The following TRPC7 variants were observed in gnomAD, a reference collection of about 807,000 sequenced individuals.
TRPC7 encodes short transient receptor potential channel 7.
TRPC7 carries 42 observed loss-of-function variants against 90.1 expected under a neutral mutation model. The ratio of observed to expected loss-of-function variants is 0.47; its 90% CI spans 0.36 to 0.60. The LOEUF is 0.60. Among genes scored for constraint, TRPC7 ranks in the 20% least tolerant of loss-of-function variants. The pLI, the probability that TRPC7 is intolerant of heterozygous loss-of-function variation, is 0.00. For missense variants in TRPC7, 955 were observed against 1,112.3 expected, an observed-to-expected ratio of 0.86 and a Z score of 2.01; for synonymous variants, 451 against 436.3, an observed-to-expected ratio of 1.03 and a Z score of -0.42.
At chr5:136,288,667 C>T (rs1021672603) in intron 3 of TRPC7, among the ~76,000 whole-genome samples, 8 of 152,188 alleles carry the variant, frequency 5.3e-5, no homozygotes, top group African/African-American at 9.7e-5. Context: ...CACACAGGGC[C>T]GTTTGCTCAC....
At chr5:136,284,579 G>C (rs1757650587) in intron 3 of TRPC7, among the ~76,000 whole-genome samples, 1 of 152,206 alleles carries the variant, frequency 6.6e-6, no homozygotes, top group South Asian at 2.1e-4. Context: ...TGATAATAAT[G>C]TCTTGGCTCT....
chr5:136,342,893 AG>A (rs1759887284), intron 2 of TRPC7, among the ~76,000 whole-genome samples: 1 of 152,230 alleles, frequency 6.6e-6, no homozygotes, highest in African/African-American at 2.4e-5. Flanking sequence ...TGTGGAAGAA[AG>A]AATGGAGAAA....
chr5:136,302,112 A>G (rs1247235509), intron 3 of TRPC7, among the ~76,000 whole-genome samples: 4 of 152,192 alleles, frequency 2.6e-5, no homozygotes, highest in Non-Finnish European at 5.9e-5. Flanking sequence ...TCTGGTAGAG[A>G]CAAAGGAGAC....
intron 7 of TRPC7, among the ~76,000 whole-genome samples, chr5:136,233,198 T>C (rs982549579): frequency 1.3e-5 from 2 of 152,260 alleles, no homozygotes; most frequent in Non-Finnish European, 1.5e-5. Flanking sequence ...TGTCAGTGTT[T>C]GTTTTTAGTT....
chr5:136,340,230 C>T (rs1484982118), intron 2 of TRPC7, among the ~76,000 whole-genome samples: 1 of 151,912 alleles, frequency 6.6e-6, no homozygotes, highest in African/African-American at 2.4e-5. Flanking sequence ...AGACAAATAC[C>T]ACATGATTTT....
At position 136,333,394 on chromosome 5, in the gene TRPC7, A is replaced by G. The variant is rs556031643; in HGVS notation, c.781-17615T>C. On this transcript the variant is annotated intron_variant, in intron 2 of 11. Transcript: ENST00000513104. ...TGATTATACAGGGAACTATGCAAGT[A>G]GATGTATAGGTTGTCAGAAGACGAG... Among the ~76,000 whole-genome samples, 13 of 152,350 alleles carry G rather than the reference A, an allele frequency of 8.5e-5. No individual in the cohort carries two copies. The East Asian group carries it at 2.1e-3, about 25-fold the overall frequency.
intron 4 of TRPC7, among the ~76,000 whole-genome samples, chr5:136,271,518 C>T (rs1757211373): frequency 1.3e-5 from 2 of 152,280 alleles, no homozygotes; most frequent in Admixed American, 1.3e-4. Flanking sequence ...AGGATGGAAA[C>T]AGCTTAGGCA....
intron 2 of TRPC7, among the ~76,000 whole-genome samples, chr5:136,350,361 C>T (rs1760151703): frequency 6.6e-6 from 1 of 152,200 alleles, no homozygotes; most frequent in African/African-American, 2.4e-5. Context: ...GCCTGCCCCT[C>T]TGCACTTGTC....
intron 5 of TRPC7, among the ~76,000 whole-genome samples, chr5:136,255,197 G>A (rs970665018): frequency 1.3e-5 from 2 of 152,194 alleles, no homozygotes; most frequent in Admixed American, 6.5e-5. Flanking sequence ...CAAGGCTTGA[G>A]GGTATTGAGT....
chr5:136,257,500 GA>G (rs1300599967), intron 5 of TRPC7, among the ~76,000 whole-genome samples: 1 of 152,088 alleles, frequency 6.6e-6, no homozygotes, highest in African/African-American at 2.4e-5. Flanking sequence ...TTCCTAAGGA[GA>G]AAAGTAATTT....
chr5:136,304,217 C>T (rs1207359268), intron 3 of TRPC7, among the ~76,000 whole-genome samples: 3 of 150,694 alleles, frequency 2.0e-5, no homozygotes, highest in African/African-American at 7.3e-5. Context: ...TATAAGATAC[C>T]TCTACTCCCT....
chr5:136,331,735 C>T lies in TRPC7; in HGVS notation c.781-15956G>A, dbSNP rs191798825. Among the ~76,000 whole-genome samples the T allele has an allele frequency of 2.2e-3, 332 of 152,246 alleles. 3 individuals carry two copies. The Middle Eastern group carries it at 0.024, about 11-fold the overall frequency. The stretch of plus-strand genomic sequence containing the variant: ...AGAGCTGTAGCCGGCACTGGAGATT[C>T]TAGGAAGAGTGAGCTGGGTTATTGC... On this transcript the variant is annotated intron_variant, in intron 2 of 11. Transcript: ENST00000513104.
intron 3 of TRPC7, among the ~76,000 whole-genome samples, chr5:136,298,557 AG>A (rs1758263161): frequency 6.6e-6 from 1 of 152,192 alleles, no homozygotes; most frequent in Non-Finnish European, 1.5e-5. Context: ...AATTCCCCAA[AG>A]CCAGAGGAAA....
intron 6 of TRPC7, among the ~76,000 whole-genome samples, chr5:136,248,765 G>A (rs1381216835): frequency 1.3e-5 from 2 of 152,230 alleles, no homozygotes; most frequent in African/African-American, 2.4e-5. Context: ...CCTGCAAAGT[G>A]TTCCTATTGC....
intron 3 of TRPC7, among the ~76,000 whole-genome samples, chr5:136,308,736 C>T (rs1406760613): frequency 1.3e-5 from 2 of 152,188 alleles, no homozygotes; most frequent in East Asian, 3.9e-4. Context: ...TCTCTGAGCA[C>T]ATATTTAGGC....
intron 7 of TRPC7, among the ~76,000 whole-genome samples, chr5:136,238,912 T>C (rs1216963576): frequency 1.3e-5 from 2 of 152,210 alleles, no homozygotes; most frequent in Non-Finnish European, 2.9e-5. Flanking sequence ...TCTATATTTT[T>C]ATCACTTGTT....
At chr5:136,225,146 A>T in intron 10 of TRPC7, 128 bp downstream of exon 10, 1 of 825,878 alleles carries the variant, frequency 1.2e-6, no homozygotes, top group Non-Finnish European at 1.9e-6. Context: ...GTACTCAATA[A>T]ATATTTGTAC....
intron 3 of TRPC7, among the ~76,000 whole-genome samples, chr5:136,304,956 A>G (rs947514363): frequency 4.0e-5 from 5 of 124,772 alleles, no homozygotes; most frequent in East Asian, 2.3e-4. Context: ...ATGTCTGCGT[A>G]CAGCAGCTGC....
intron 5 of TRPC7, among the ~76,000 whole-genome samples, chr5:136,262,301 T>A (rs1219722833): frequency 6.6e-6 from 1 of 152,194 alleles, no homozygotes; most frequent in Non-Finnish European, 1.5e-5. Context: ...TCTCTTCTCC[T>A]CATTCATCTA....
Sources: gnomAD v4.1 joint callset for allele counts (sites outside exome capture counted in the v4.1 genomes callset) on GRCh38, gnomAD v4.1.1 for gene constraint, MANE v1.5 for transcripts, NCBI Gene and HGNC (gene_info 2026-07-23, HGNC 2026-07-21) for gene names.